HGD: variants seen among roughly 807,000 people sequenced by gnomAD.
The protein encoded by HGD is homogentisate oxidase.
In HGD, 61 loss-of-function variants were observed where a neutral mutation model predicts 60.8. The ratio of observed to expected loss-of-function variants is 1.00; its 90% CI spans 0.82 to 1.24. The LOEUF is 1.24. Ranked by LOEUF, HGD falls within the 50% of genes most tolerant of loss-of-function variation. The pLI is 0.00. For synonymous variants in HGD, 212 were observed against 187.7 expected, an observed-to-expected ratio of 1.13 and a Z score of -1.06; for missense variants, 542 against 547.1, an observed-to-expected ratio of 0.99 and a Z score of 0.09.
At chr3:120,673,298 A>ATTTT (rs1708060675) in intron 3 of HGD, among the ~76,000 whole-genome samples, 1 of 152,166 alleles carries the variant, frequency 6.6e-6, no homozygotes, top group Non-Finnish European at 1.5e-5. Flanking sequence ...TGAAATGCCA[A>ATTTT]CAGCTCCTTT....
chr3:120,669,713 C>T (rs924144384), intron 4 of HGD, among the ~76,000 whole-genome samples: 1 of 152,156 alleles, frequency 6.6e-6, no homozygotes, highest in African/African-American at 2.4e-5. Flanking sequence ...ACATCACTTT[C>T]CTTTTTCTGT....
chr3:120,650,152 C>T (rs761200275), intron 6 of HGD, among the ~76,000 whole-genome samples: 3 of 152,204 alleles, frequency 2.0e-5, no homozygotes, highest in Non-Finnish European at 4.4e-5. Flanking sequence ...TTGTATCATT[C>T]AGAGCCCAAA....
In HGD at chr3:120,638,507, G is replaced by A. The variant is rs761478895; in HGVS notation, c.954C>T (p.Phe318=). The A allele has an allele frequency of 6.2e-7, 1 of 1,613,982 alleles. No homozygotes were observed. Among genetic ancestry groups the A allele is most frequent in the South Asian group, 1.1e-5 (1 of 91,080 alleles). The change falls in exon 12 of 14, where the codon TTC becomes TTT. Residue 318 remains phenylalanine, a synonymous_variant. Transcript: ENST00000283871. ...PGVAIADFVI[F]PPRWGVADKT... is the part of the protein sequence containing the mutation. ...TATCAGCAACCCCCCATCGAGGTGG[G>A]AAGATGACAAAATCAGCAATGGCCA...
At chr3:120,674,674 T>C in intron 3 of HGD, 1 of 495,446 alleles carries the variant, frequency 2.0e-6, no homozygotes, top group Admixed American at 3.1e-5. Context: ...GAACTGGACA[T>C]GTGTATTTTC....
chr3:120,642,210 A>G (rs1941004974), intron 10 of HGD, among the ~76,000 whole-genome samples: 1 of 152,164 alleles, frequency 6.6e-6, no homozygotes, highest in Non-Finnish European at 1.5e-5. Context: ...TCCTAACATA[A>G]TACTTCCTGG....
chr3:120,628,336 A>G lies in HGD; in HGVS notation c.*44T>C. ...CCAGAAAGCATGAGATTCTGAAGAA[A>G]TCTTCACAAATCTACTCTTAATTAT... On this transcript the variant is annotated 3_prime_UTR_variant, in exon 14 of 14. Transcript: ENST00000283871. 6.3e-7 allele frequency: 1 copy of G among 1,594,316 alleles called. No homozygotes were observed. The highest frequency in any genetic ancestry group is 8.6e-7 in the Non-Finnish European group (1 of 1,162,470).
intron 7 of HGD, 151 bp from the exon 8 acceptor site, chr3:120,647,203 C>T (rs1941193165): frequency 1.4e-6 from 1 of 704,936 alleles, no homozygotes; most frequent in Non-Finnish European, 2.6e-6. Context: ...ATTCTGACAA[C>T]TTAGATTAGC....
intron 4 of HGD, among the ~76,000 whole-genome samples, chr3:120,657,696 T>C (rs907968752): frequency 6.6e-6 from 1 of 152,198 alleles, no homozygotes; most frequent in African/African-American, 2.4e-5. Context: ...TCACAGTTCT[T>C]CAGACTGTAC....
Position 120,638,568 on chromosome 3 carries a change from A to G in HGD, c.893T>C (p.Phe298Ser). The stretch of plus-strand genomic sequence containing the variant: ...GACAGACTTAGCAGTCAATACTGTG[A>G]AAATGGATGGGTCCTGTGAACACAC... ...VAFDHADPSI[F>S]TVLTAKSVRP... The change falls in exon 12 of 14, where the codon TTC (phenylalanine) becomes TCC (serine). Residue 298 changes from phenylalanine to serine, a missense_variant. Phe to Ser is a radical substitution (Grantham distance 155). Coordinates refer to ENST00000283871, the MANE Select transcript of HGD (RefSeq NM_000187.4). 2 of 1,614,038 alleles carry G rather than the reference A, an allele frequency of 1.2e-6. No homozygotes were observed. Among genetic ancestry groups the G allele is most frequent in the Non-Finnish European group, 1.7e-6 (2 of 1,179,948 alleles).
chr3:120,677,445 G>T (rs969443466), intron 1 of HGD, among the ~76,000 whole-genome samples: 1 of 152,142 alleles, frequency 6.6e-6, no homozygotes, highest in African/African-American at 2.4e-5. Flanking sequence ...GGTCGAGACT[G>T]CAGGGGTGAA....
At chr3:120,633,876 G>A (rs1002769953) in intron 12 of HGD, among the ~76,000 whole-genome samples, 2 of 152,304 alleles carry the variant, frequency 1.3e-5, no homozygotes, top group South Asian at 2.1e-4. Flanking sequence ...ATGATAATCT[G>A]TGTGAAAGAA....
At chr3:120,677,411 C>T (rs926790414) in intron 1 of HGD, among the ~76,000 whole-genome samples, 1 of 152,130 alleles carries the variant, frequency 6.6e-6, no homozygotes, top group African/African-American at 2.4e-5. Flanking sequence ...AAACAGCCCC[C>T]CTCCAGGTGC....
At chr3:120,669,447 G>GCACACACACACACA (rs59426684) in intron 4 of HGD, among the ~76,000 whole-genome samples, 9 of 145,728 alleles carry the variant, frequency 6.2e-5, no homozygotes, top group East Asian at 2.1e-4. Flanking sequence ...GTGCGCATGT[G>GCACACACACACACA]CACACACACA....
At chr3:120,641,296 A>T (rs1355629088) in intron 11 of HGD, among the ~76,000 whole-genome samples, 1 of 152,134 alleles carries the variant, frequency 6.6e-6, no homozygotes, top group Non-Finnish European at 1.5e-5. Context: ...TTGGGGGATA[A>T]ATTTTCCACA....
intron 4 of HGD, among the ~76,000 whole-genome samples, chr3:120,664,659 G>C (rs913710191): frequency 6.6e-6 from 1 of 151,852 alleles, no homozygotes; most frequent in African/African-American, 2.4e-5. Flanking sequence ...TCAAACTCCT[G>C]GACTCAAGTG....
intron 4 of HGD, among the ~76,000 whole-genome samples, chr3:120,655,460 T>C (rs1941466766): frequency 2.6e-5 from 4 of 152,200 alleles, no homozygotes; most frequent in Admixed American, 2.6e-4. Flanking sequence ...CTGTTGGCCC[T>C]GATGGCAGAA....
chr3:120,667,326 C>CAAAAAAA (rs71133514), intron 4 of HGD, among the ~76,000 whole-genome samples: 44 of 59,930 alleles, frequency 7.3e-4, no homozygotes, highest in Non-Finnish European at 9.3e-4. Flanking sequence ...ACTCTTGTCT[C>CAAAAAAA]AAAAAAAAAA....
chr3:120,670,616 G>C (rs925037123), intron 3 of HGD, 84 bp from the exon 4 acceptor site: 18 of 824,622 alleles, frequency 2.2e-5, no homozygotes, highest in African/African-American at 3.3e-5. Flanking sequence ...GTACCATCAG[G>C]AAGACACTCA....
At chr3:120,654,613 C>A (rs139496192) in intron 4 of HGD, among the ~76,000 whole-genome samples, 1,642 of 151,814 alleles carry the variant, frequency 0.011, 35 homozygotes, top group African/African-American at 0.038. Context: ...TTAATTAGTA[C>A]AAGTCTAAGG....
Sources: allele counts gnomAD v4.1 joint callset (sites outside exome capture counted in the v4.1 genomes callset), GRCh38; gene constraint gnomAD v4.1.1; transcripts MANE v1.5; gene names NCBI Gene and HGNC (gene_info 2026-07-23, HGNC 2026-07-21).